Variants in RNF123 observed in about 807,000 individuals in gnomAD.
RNF123 encodes E3 ubiquitin-protein ligase RNF123.
RNF123 carries 86 observed loss-of-function variants against 168.5 expected under a neutral mutation model. That is an observed-to-expected ratio of 0.51 (90% CI 0.43 to 0.61). RNF123 has a LOEUF of 0.61. Among genes scored for constraint, RNF123 ranks in the 20% least tolerant of loss-of-function variants. The probability of loss-of-function intolerance (pLI) is 0.00; values close to 1 mark genes in which losing one functional copy is unlikely to be tolerated. For missense variants in RNF123, 1,419 were observed against 1,729.7 expected, an observed-to-expected ratio of 0.82 and a Z score of 3.19; for synonymous variants, 666 against 689.1, an observed-to-expected ratio of 0.97 and a Z score of 0.52.
Position 49,705,087 on chromosome 3 carries a change from C to A in RNF123, c.2063C>A (p.Ala688Glu), listed in dbSNP as rs781650680. Residue 688 changes from alanine to glutamate, a missense_variant, in exon 23 of 39, where the codon GCG becomes GAG. Physicochemically the swap from Ala to Glu is moderately radical, Grantham distance 107. Transcript: ENST00000327697. Reference protein sequence around the residue: ...LGRANRFLSTAAVSLMTPRRP... With the variant: ...LGRANRFLSTEAVSLMTPRRP... ...CGAGCCAACCGCTTCCTCAGCACAG[C>A]GGCTGTGAGCCTCATGACCCCACGG... 2 of 1,611,746 alleles carry A rather than the reference C, an allele frequency of 1.2e-6. No individual in the cohort carries two copies. Among genetic ancestry groups the A allele is most frequent in the East Asian group, 2.2e-5 (1 of 44,812 alleles).
intron 19 of RNF123, 85 bp downstream of exon 19, chr3:49,702,490 G>C: frequency 6.3e-7 from 1 of 1,599,654 alleles, no homozygotes; most frequent in Non-Finnish European, 8.6e-7. Flanking sequence ...TTCTCGGACT[G>C]CCTCATCCCT....
chr3:49,708,381 C>T (rs1431988842), intron 26 of RNF123, among the ~76,000 whole-genome samples: 1 of 152,236 alleles, frequency 6.6e-6, no homozygotes, highest in African/African-American at 2.4e-5. Context: ...ACCTCCTGTC[C>T]TCCCTTCCCC....
chr3:49,699,832 T>A lies in RNF123; in HGVS notation c.984+60T>A. The A allele has an allele frequency of 6.6e-7, 1 of 1,525,896 alleles. No individual in the cohort carries two copies. The highest frequency in any genetic ancestry group is 9.0e-7 in the Non-Finnish European group (1 of 1,106,382). The allele number at this position is 1,525,896 out of a possible 1,614,324, so 94.5% of individuals were successfully genotyped here. A position where few individuals can be genotyped will look rare whatever the true frequency, so the allele number is the denominator to read the frequency against. ...AGACAGGCCATGCTAGACACGCCCG[T>A]GGTAGATGTGCCCTCACTGAGGGCT... On this transcript the variant is annotated intron_variant, in intron 12 of 38. Transcript: ENST00000327697. This position sits in a 1 kb window ranked among gnomAD's most constrained non-coding sequence, Gnocchi z 4.8.
In RNF123 at chr3:49,703,430, C is replaced by A. The variant is rs2054448291; in HGVS notation, c.1754C>A (p.Ala585Asp). 1 of 1,613,858 alleles carries A rather than the reference C, an allele frequency of 6.2e-7. No individual in the cohort carries two copies. The highest frequency in any genetic ancestry group is 8.5e-7 in the Non-Finnish European group (1 of 1,179,828). ...TAGCCTCCTCAATTCCTCGCAGAGG[C>A]CTACATCCCGCCCCAGGTCTTCTAT... ...SNPHASFSEE[A>D]YIPPQVFYNG... Residue 585 changes from alanine (A) to aspartate (D), a missense_variant, in exon 21 of 39, where the codon GCC becomes GAC. This residue lies in a region of RNF123 where 349 missense variants were observed against 344.9 expected (regional missense o/e 1.01). Coordinates refer to ENST00000327697, the MANE Select transcript of RNF123 (RefSeq NM_022064.5).
chr3:49,699,847 C>A lies in RNF123; in HGVS notation c.984+75C>A. 1 of 1,450,518 alleles carries A rather than the reference C, an allele frequency of 6.9e-7. No homozygotes were observed. The highest frequency in any genetic ancestry group is 9.6e-7 in the Non-Finnish European group (1 of 1,042,764). 89.9% of individuals were successfully genotyped at this position (1,450,518 alleles called of 1,614,324 possible). A position where few individuals can be genotyped will look rare whatever the true frequency, so the allele number is the denominator to read the frequency against. On this transcript the variant is annotated intron_variant, in intron 12 of 38. Coordinates refer to ENST00000327697, the MANE Select transcript of RNF123 (RefSeq NM_022064.5). This position sits in a 1 kb window ranked among gnomAD's most constrained non-coding sequence, Gnocchi z 4.8. ...GACACGCCCGTGGTAGATGTGCCCT[C>A]ACTGAGGGCTGCAGTGCTGAGGTCC...
chr3:49,691,004 C>T (rs7373406), intron 1 of RNF123, 126 bp from the exon 2 acceptor site: 3 of 615,768 alleles, frequency 4.9e-6, no homozygotes, highest in African/African-American at 1.9e-5. Context: ...CATTCCCCTG[C>T]CCTATGTGTT....
At position 49,702,357 on chromosome 3, in the gene RNF123, C is replaced by G. The variant is rs753413549; in HGVS notation, c.1581C>G (p.Phe527Leu). 1.2e-6 allele frequency: 2 copies of G among 1,614,208 alleles called. No individual in the cohort carries two copies. Among genetic ancestry groups the G allele is most frequent in the East Asian group, 2.2e-5 (1 of 44,880 alleles). The change falls in exon 19 of 39, where the codon TTC becomes TTG. Residue 527 changes from phenylalanine (F) to leucine (L), a missense_variant. Phe to Leu is a conservative substitution (Grantham distance 22). Around this residue, in one of 5 missense-constraint regions of RNF123, gnomAD observed 349 missense variants for 344.9 expected, o/e 1.01. Coordinates refer to ENST00000327697, the MANE Select transcript of RNF123 (RefSeq NM_022064.5). ...DNGGEASRYI[F>L]LTKFRKFLQE... Reference sequence around the variant, plus strand: ...AGGGTGAAGCTTCTAGGTATATCTTCCTGACCAAGTTTCGCAAGTTTCTGC... The same window carrying G: ...AGGGTGAAGCTTCTAGGTATATCTTGCTGACCAAGTTTCGCAAGTTTCTGC...
Position 49,721,411 on chromosome 3 carries a change from C to T in RNF123, c.*106C>T. On this transcript the variant is annotated 3_prime_UTR_variant, in exon 39 of 39. Transcript: ENST00000327697. Reference sequence around the variant, plus strand: ...CCTTCTCCTGTATCCCACACCACCACATCCAACCTCCTTGCCTGCCTGTAT... The same window carrying T: ...CCTTCTCCTGTATCCCACACCACCATATCCAACCTCCTTGCCTGCCTGTAT... 2.1e-6 allele frequency: 3 copies of T among 1,423,208 alleles called. No individual in the cohort carries two copies. The highest frequency in any genetic ancestry group is 2.3e-5 in the East Asian group (1 of 44,020). 88.2% of individuals were successfully genotyped at this position (1,423,208 alleles called of 1,614,324 possible). A position where few individuals can be genotyped will look rare whatever the true frequency, so the allele number is the denominator to read the frequency against.
At chr3:49,690,716 G>A (rs1377347672) in intron 1 of RNF123, among the ~76,000 whole-genome samples, 1 of 152,254 alleles carries the variant, frequency 6.6e-6, no homozygotes, top group Non-Finnish European at 1.5e-5. Flanking sequence ...TTGGGGGAAT[G>A]TGTAGGATTG....
At chr3:49,707,165 C>G (rs1026124390) in intron 26 of RNF123, among the ~76,000 whole-genome samples, 1 of 151,548 alleles carries the variant, frequency 6.6e-6, no homozygotes, top group Non-Finnish European at 1.5e-5. Context: ...CTCCCCTGCT[C>G]CCACCCCCTC....
At chr3:49,718,692 C>G in intron 35 of RNF123, 1 of 1,612,966 alleles carries the variant, frequency 6.2e-7, no homozygotes, top group African/African-American at 1.3e-5. Context: ...GCACGCGGGA[C>G]GCGGGTACCT....
In RNF123 at chr3:49,720,835, G is replaced by C. The variant is rs373043136; in HGVS notation, c.3679G>C (p.Val1227Leu). ...TATCAGTGCCGATGAGCTGGCCCAA[G>C]TGGAACAGATGCTGGCGCACCTGAC... The part of the protein sequence containing the change: ...DYISADELAQ[V>L]EQMLAHLTSA... Residue 1227 changes from valine to leucine, a missense_variant, in exon 37 of 39, where the codon GTG becomes CTG. By Grantham distance (32) the Val-to-Leu change is conservative. Transcript: ENST00000327697. 1.2e-4 allele frequency: 197 copies of C among 1,614,074 alleles called. No homozygotes were observed. Among genetic ancestry groups the C allele is most frequent in the Non-Finnish European group, 1.6e-4 (191 of 1,180,052 alleles).
rs1310831334 is a variant in RNF123, at chr3:49,721,439, T to C, written c.*134T>C. 8.1e-7 allele frequency: 1 copy of C among 1,234,956 alleles called. No homozygotes were observed. Among genetic ancestry groups the C allele is most frequent in the African/African-American group, 1.5e-5 (1 of 67,906 alleles). The allele number at this position is 1,234,956 out of a possible 1,614,324, so 76.5% of individuals were successfully genotyped here. ...CCAACCTCCTTGCCTGCCTGTATCC[T>C]CATTGGTGGGAGCCCAGCCATGGCC... On this transcript the variant is annotated 3_prime_UTR_variant, in exon 39 of 39. Transcript: ENST00000327697.
rs2054156633 is a variant in RNF123 at position 49,691,220 on chromosome 3, T to C, written c.55T>C (p.Ser19Pro). ...CTCCCGCAAGAGCTATAGGCTGACC[T>C]CAGATGCTGAGAAATCCAGGGTCAC... ...SFSRKSYRLT[S>P]DAEKSRVTGI... The change falls in exon 2 of 39, where the codon TCA (serine) becomes CCA (proline). Residue 19 changes from serine (S) to proline (P), a missense_variant. Coordinates refer to ENST00000327697, the MANE Select transcript of RNF123 (RefSeq NM_022064.5). The C allele has an allele frequency of 1.9e-6, 3 of 1,613,918 alleles. No homozygotes were observed. The highest frequency in any genetic ancestry group is 2.5e-6 in the Non-Finnish European group (3 of 1,179,820).
In RNF123 at chr3:49,720,646, G is replaced by A. The variant is rs750503607; in HGVS notation, c.3636G>A (p.Leu1212=). 11 of 1,599,532 alleles carry A rather than the reference G, an allele frequency of 6.9e-6. No homozygotes were observed. In the Admixed American group the frequency reaches 1.2e-4, roughly 17 times the overall value. Residue 1212 remains leucine, a synonymous_variant, in exon 36 of 39, where the codon CTG becomes CTA. Coordinates refer to ENST00000327697, the MANE Select transcript of RNF123 (RefSeq NM_022064.5). ...LPAPDRKRFS[L]QSYADYISAD... is the part of the protein sequence containing the mutation. ...CCCCTGACCGGAAGCGCTTCTCCCT[G>A]CAGAGCTGTGAGTGGGCTGGTGGGG...
intron 31 of RNF123, among the ~76,000 whole-genome samples, chr3:49,715,104 A>G (rs1313421008): frequency 2.0e-5 from 3 of 152,234 alleles, no homozygotes. Flanking sequence ...CTTGGTGCCC[A>G]CCACCTCGGC....
rs781124880 is a variant in RNF123 at position 49,713,733 on chromosome 3, C to T, written c.2750-5C>T. On this transcript the variant is annotated splice_polypyrimidine_tract_variant and splice_region_variant and intron_variant, in intron 28 of 38. Coordinates refer to ENST00000327697, the MANE Select transcript of RNF123 (RefSeq NM_022064.5). ...CCCCTGCTGAGGCACGGTGTGTCCC[C>T]GCAGACATCCGAGACTCACTGATGC... is the stretch of plus-strand genomic sequence containing the variant. The T allele has an allele frequency of 3.9e-5, 63 of 1,595,614 alleles. No individual in the cohort carries two copies. Among genetic ancestry groups the T allele is most frequent in the Non-Finnish European group, 5.2e-5 (61 of 1,171,342 alleles).
chr3:49,701,408 C>A, intron 15 of RNF123, 83 bp from the exon 16 acceptor site: 1 of 1,073,326 alleles, frequency 9.3e-7, no homozygotes, highest in Non-Finnish European at 1.4e-6. Context: ...TAGGCACATC[C>A]AGGGATGGGC....
intron 1 of RNF123, among the ~76,000 whole-genome samples, chr3:49,690,467 G>GCAGCAA (rs1258972069): frequency 2.0e-5 from 3 of 152,264 alleles, no homozygotes; most frequent in Non-Finnish European, 4.4e-5. Context: ...AGCAGCTGCA[G>GCAGCAA]CAGCAACATG....
Sources: gnomAD v4.1 joint callset for allele counts (sites outside exome capture counted in the v4.1 genomes callset) on GRCh38, gnomAD v4.1.1 for gene constraint, gnomAD v4.1.1 regional missense constraint, Gnocchi (gnomAD v3.1) non-coding constraint, MANE v1.5 for transcripts, NCBI Gene and HGNC (gene_info 2026-07-23, HGNC 2026-07-21) for gene names.